Variants in EYA2 observed in about 807,000 individuals in gnomAD.
EYA2 encodes EYA transcriptional coactivator and phosphatase 2.
Under a neutral mutation model 69.2 loss-of-function variants are expected in EYA2, and 31 were observed. That is an observed-to-expected ratio of 0.45 (90% CI 0.34 to 0.60). EYA2 has a LOEUF of 0.60. Ranked by LOEUF, EYA2 falls within the 20% of genes least tolerant of loss-of-function variation. The pLI is 0.02. For synonymous variants in EYA2, 257 were observed against 279.4 expected, an observed-to-expected ratio of 0.92 and a Z score of 0.80; for missense variants, 622 against 701.2, an observed-to-expected ratio of 0.89 and a Z score of 1.28.
At chr20:47,090,566 G>C (rs1443771721) in intron 8 of EYA2, among the ~76,000 whole-genome samples, 1 of 151,774 alleles carries the variant, frequency 6.6e-6, no homozygotes, top group Non-Finnish European at 1.5e-5. Flanking sequence ...AGGTATACAT[G>C]AGGTTTTCAA....
intron 14 of EYA2, among the ~76,000 whole-genome samples, chr20:47,182,359 G>A (rs1428829551): frequency 1.3e-5 from 2 of 151,056 alleles, no homozygotes; most frequent in Admixed American, 6.6e-5. Context: ...CAGGCGCGGT[G>A]GCTCACGCCT....
chr20:47,166,549 A>G (rs1028972983), intron 10 of EYA2, among the ~76,000 whole-genome samples: 4 of 151,616 alleles, frequency 2.6e-5, no homozygotes, highest in Admixed American at 1.3e-4. Context: ...ATTTTTTCTC[A>G]GTAGTCAAGC....
chr20:47,023,973 A>G (rs1050132492), intron 5 of EYA2, among the ~76,000 whole-genome samples: 5 of 152,102 alleles, frequency 3.3e-5, no homozygotes, highest in African/African-American at 7.2e-5. Context: ...TCTACTTAAC[A>G]TGTCCAATCT....
intron 1 of EYA2, among the ~76,000 whole-genome samples, chr20:46,942,872 T>C (rs886598822): frequency 6.6e-6 from 1 of 152,186 alleles, no homozygotes; most frequent in African/African-American, 2.4e-5. Flanking sequence ...TTCAAGCGAT[T>C]CTCCTGTCTC....
intron 4 of EYA2, among the ~76,000 whole-genome samples, chr20:47,009,284 G>A (rs1982917512): frequency 6.6e-6 from 1 of 152,212 alleles, no homozygotes; most frequent in Admixed American, 6.5e-5. Flanking sequence ...GCCTGTGCCT[G>A]AGCAAGCTGT....
chr20:46,944,104 C>T (rs567462061), intron 1 of EYA2, among the ~76,000 whole-genome samples: 21 of 152,256 alleles, frequency 1.4e-4, no homozygotes, highest in South Asian at 8.3e-4. Context: ...CTCTGCTCCC[C>T]CTGGATGGCT....
intron 7 of EYA2, among the ~76,000 whole-genome samples, chr20:47,074,947 A>G (rs2031458224): frequency 6.6e-6 from 1 of 152,178 alleles, no homozygotes; most frequent in Admixed American, 6.5e-5. Flanking sequence ...CCCCATCTCT[A>G]CTAAAAATAC....
intron 1 of EYA2, among the ~76,000 whole-genome samples, chr20:46,959,528 C>G (rs1420060800): frequency 6.6e-6 from 1 of 152,138 alleles, no homozygotes; most frequent in East Asian, 1.9e-4. Context: ...AGGCCCTGTC[C>G]CTTTGCAGAA....
chr20:47,090,091 T>C (rs1246836585), intron 8 of EYA2, among the ~76,000 whole-genome samples: 2 of 152,168 alleles, frequency 1.3e-5, no homozygotes, highest in Middle Eastern at 3.4e-3. Context: ...TTGAGAAACC[T>C]TCATTATCAA....
intron 5 of EYA2, among the ~76,000 whole-genome samples, chr20:47,040,326 A>T (rs544797939): frequency 6.5e-4 from 99 of 152,324 alleles, no homozygotes; most frequent in Non-Finnish European, 6.6e-4. Context: ...AGAAGTGGGA[A>T]CGGTCTTGGC....
chr20:47,112,862 C>CTTTTTTTTTTTTTTTTTTTTT lies in EYA2; in HGVS notation c.888+15701_888+15721dup, dbSNP rs11473217. On this transcript the variant is annotated intron_variant, in intron 9 of 15. Transcript: ENST00000327619. The stretch of plus-strand genomic sequence containing the variant: ...CAAAAGTTAGATTTCATGTTCACTC[C>CTTTTTTTTTTTTTTTTTTTTT]TTTTTTTTTTTTTTTTTTTTTTTTT... 1.6e-4 allele frequency among the ~76,000 whole-genome samples: 9 copies of CTTTTTTTTTTTTTTTTTTTTT among 55,808 alleles called. 1 individual carries two copies. The highest frequency in any genetic ancestry group is 6.0e-4 in the East Asian group (1 of 1,660). 36.6% of individuals were successfully genotyped at this position (55,808 alleles called of 152,430 possible). A position where few individuals can be genotyped will look rare whatever the true frequency, so the allele number is the denominator to read the frequency against.
chr20:46,905,178 C>A (rs1568660472), intron 1 of EYA2, among the ~76,000 whole-genome samples: 1 of 136,880 alleles, frequency 7.3e-6, no homozygotes, highest in African/African-American at 2.7e-5. Flanking sequence ...TTTCACAAAG[C>A]TCATTTAATC....
intron 2 of EYA2, among the ~76,000 whole-genome samples, chr20:46,994,082 G>C (rs900616968): frequency 2.6e-5 from 4 of 152,210 alleles, no homozygotes; most frequent in Non-Finnish European, 4.4e-5. Flanking sequence ...GATGAAGACA[G>C]AATGGTGCTG....
chr20:46,997,222 T>TGAGG (rs1202228424), intron 2 of EYA2, among the ~76,000 whole-genome samples: 3 of 152,110 alleles, frequency 2.0e-5, no homozygotes, highest in Non-Finnish European at 4.4e-5. Context: ...GAGAACATGA[T>TGAGG]AAAACTTACT....
chr20:46,993,890 AGAG>A (rs1981848011), intron 2 of EYA2, among the ~76,000 whole-genome samples: 1 of 152,374 alleles, frequency 6.6e-6, no homozygotes, highest in East Asian at 1.9e-4. Context: ...CCGTATGCAC[AGAG>A]AAGACAGCAA....
rs560662334 is a variant in EYA2 at position 46,959,305 on chromosome 20, G to A, written c.-10-30696G>A. ...CCCTTAGTTCAGAGTCTCTCCCCTT[G>A]GCACTGTGGAGATTTGGGACTGGAC... is the stretch of plus-strand genomic sequence containing the variant. On this transcript the variant is annotated intron_variant, in intron 1 of 15. Coordinates refer to ENST00000327619, the MANE Select transcript of EYA2 (RefSeq NM_005244.5). Among the ~76,000 whole-genome samples the A allele has an allele frequency of 5.3e-5, 8 of 152,334 alleles. No individual in the cohort carries two copies. In the South Asian group the frequency reaches 1.0e-3, roughly 20 times the overall value.
chr20:46,991,968 CAAAAA>C (rs36163121), intron 2 of EYA2, among the ~76,000 whole-genome samples: 13 of 79,268 alleles, frequency 1.6e-4, no homozygotes, highest in Non-Finnish European at 7.1e-5. Context: ...GACTCCGTCT[CAAAAA>C]AAAAAAAAAA....
chr20:46,971,026 A>G (rs1416538380), intron 1 of EYA2, among the ~76,000 whole-genome samples: 1 of 152,022 alleles, frequency 6.6e-6, no homozygotes, highest in Non-Finnish European at 1.5e-5. Flanking sequence ...AGGAAAGCTC[A>G]TTAGATGAGT....
intron 5 of EYA2, among the ~76,000 whole-genome samples, chr20:47,031,158 A>C (rs1984388513): frequency 6.6e-6 from 1 of 152,232 alleles, no homozygotes; most frequent in Non-Finnish European, 1.5e-5. Context: ...TGTAACAAAG[A>C]GAAACCAGGA....
Sources: gnomAD v4.1 joint callset for allele counts (sites outside exome capture counted in the v4.1 genomes callset) on GRCh38, gnomAD v4.1.1 for gene constraint, MANE v1.5 for transcripts, NCBI Gene and HGNC (gene_info 2026-07-23, HGNC 2026-07-21) for gene names.